The following DIAPH3 variants were observed in gnomAD, a reference collection of about 807,000 sequenced individuals.
DIAPH3 encodes the protein protein diaphanous homolog 3.
A neutral mutation model predicts 144.3 loss-of-function variants in DIAPH3; 117 were observed. The observed-to-expected ratio is 0.81, with a 90% CI of 0.70 to 0.95. The LOEUF (loss-of-function observed/expected upper bound fraction) is 0.95. DIAPH3 is among the 40% of genes least tolerant of loss of function. The probability of loss-of-function intolerance (pLI) is 0.00; values close to 1 mark genes in which losing one functional copy is unlikely to be tolerated. For missense variants in DIAPH3, 1,421 were observed against 1,412.7 expected (o/e 1.01, Z -0.09); for synonymous variants, 519 against 488.9 (o/e 1.06, Z -0.81).
At chr13:59,748,935 C>T (rs2036839876) in intron 27 of DIAPH3, among the ~76,000 whole-genome samples, 1 of 152,068 alleles carries the variant, frequency 6.6e-6, no homozygotes, top group Admixed American at 6.6e-5. Context: ...AAAGCCAGGT[C>T]AGGTGCGGTG....
chr13:60,022,984 G>A (rs2141034191), intron 5 of DIAPH3, among the ~76,000 whole-genome samples: 1 of 152,124 alleles, frequency 6.6e-6, no homozygotes, highest in African/African-American at 2.4e-5. Context: ...TAAGTTTGAG[G>A]GTTTTGGTTT....
chr13:59,802,027 T>G (rs150812202), intron 25 of DIAPH3, among the ~76,000 whole-genome samples: 1 of 151,352 alleles, frequency 6.6e-6, no homozygotes, highest in African/African-American at 2.4e-5. Context: ...TCAACACCAA[T>G]GAATAGATTT....
At chr13:59,921,162 C>T (rs1172833386) in intron 18 of DIAPH3, among the ~76,000 whole-genome samples, 4 of 143,628 alleles carry the variant, frequency 2.8e-5, no homozygotes, top group African/African-American at 2.5e-5. Context: ...AACAACCTAA[C>T]ATTGCACCTG....
intron 1 of DIAPH3, among the ~76,000 whole-genome samples, chr13:60,161,582 C>G (rs1260944484): frequency 6.6e-6 from 1 of 152,158 alleles, no homozygotes; most frequent in African/African-American, 2.4e-5. Flanking sequence ...CCTTGGCAGA[C>G]AAACTCAAAC....
intron 21 of DIAPH3, among the ~76,000 whole-genome samples, chr13:59,867,341 T>C (rs1354674520): frequency 6.6e-6 from 1 of 151,434 alleles, no homozygotes; most frequent in Non-Finnish European, 1.5e-5. Flanking sequence ...CTTATGCCAC[T>C]GCCATAACCA....
At chr13:59,901,702 A>C (rs1233079094) in intron 20 of DIAPH3, among the ~76,000 whole-genome samples, 1 of 152,256 alleles carries the variant, frequency 6.6e-6, no homozygotes, top group Non-Finnish European at 1.5e-5. Flanking sequence ...AAATGAATAA[A>C]TTATTGCTGA....
intron 11 of DIAPH3, 68 bp downstream of exon 11, chr13:59,991,999 TG>T: frequency 8.4e-7 from 1 of 1,190,426 alleles, no homozygotes; most frequent in African/African-American, 1.5e-5. Context: ...TAAATATTTG[TG>T]GCTGAGTATT....
At chr13:60,058,258 A>G (rs1355106758) in intron 4 of DIAPH3, among the ~76,000 whole-genome samples, 1 of 152,042 alleles carries the variant, frequency 6.6e-6, no homozygotes, top group Non-Finnish European at 1.5e-5. Context: ...ACACTTCTCA[A>G]AAGAAGATAT....
intron 5 of DIAPH3, among the ~76,000 whole-genome samples, chr13:60,035,627 C>G (rs2055159483): frequency 6.6e-6 from 1 of 152,052 alleles, no homozygotes; most frequent in Non-Finnish European, 1.5e-5. Flanking sequence ...GTATTTTCAA[C>G]AAATATTTAT....
chr13:59,826,242 T>C (rs1008160514), intron 24 of DIAPH3, among the ~76,000 whole-genome samples: 9 of 116,422 alleles, frequency 7.7e-5, no homozygotes, highest in African/African-American at 2.7e-4. Context: ...AGTCAAATTG[T>C]CCCTGTTTGC....
At chr13:60,032,888 C>G (rs184176356) in intron 5 of DIAPH3, among the ~76,000 whole-genome samples, 1 of 152,326 alleles carries the variant, frequency 6.6e-6, no homozygotes, top group East Asian at 1.9e-4. Context: ...TTATGCTCTT[C>G]TTCCTGTTCA....
intron 20 of DIAPH3, among the ~76,000 whole-genome samples, chr13:59,903,406 C>T (rs2046558483): frequency 6.6e-6 from 1 of 152,176 alleles, no homozygotes; most frequent in South Asian, 2.1e-4. Flanking sequence ...GATTCTTATA[C>T]CAAATCACAA....
At chr13:60,078,055 T>C (rs1377190242) in intron 4 of DIAPH3, among the ~76,000 whole-genome samples, 1 of 152,118 alleles carries the variant, frequency 6.6e-6, no homozygotes, top group African/African-American at 2.4e-5. Flanking sequence ...ACTGAGTCTT[T>C]GTATGTTGAC....
chr13:60,078,131 A>T (rs1472224204), intron 4 of DIAPH3, among the ~76,000 whole-genome samples: 1 of 152,032 alleles, frequency 6.6e-6, no homozygotes, highest in African/African-American at 2.4e-5. Flanking sequence ...CAAAAGTAAT[A>T]CTCTTTTAAG....
chr13:60,042,673 T>C lies in DIAPH3; in HGVS notation c.626+17A>G. ...TTAATGACATCTGCCCTGTTGGTGT[T>C]CAAATAGATGAATTACCTCACAGGA... is the stretch of plus-strand genomic sequence containing the variant. On this transcript the variant is annotated intron_variant, in intron 5 of 27. Coordinates refer to ENST00000400324, the MANE Select transcript of DIAPH3 (RefSeq NM_001042517.2). 1 of 1,613,316 alleles carries C rather than the reference T, an allele frequency of 6.2e-7. No individual in the cohort carries two copies. Among genetic ancestry groups the C allele is most frequent in the Non-Finnish European group, 8.5e-7 (1 of 1,179,500 alleles).
chr13:60,042,177 A>ACTTAAATT (rs1481727976), intron 5 of DIAPH3, among the ~76,000 whole-genome samples: 1 of 152,102 alleles, frequency 6.6e-6, no homozygotes, highest in Non-Finnish European at 1.5e-5. Context: ...CAGGATACAA[A>ACTTAAATT]CTTAAATTTG....
At chr13:60,047,751 C>G (rs2056146976) in intron 4 of DIAPH3, among the ~76,000 whole-genome samples, 1 of 152,140 alleles carries the variant, frequency 6.6e-6, no homozygotes, top group Non-Finnish European at 1.5e-5. Context: ...AGAGTACTAG[C>G]TATAAAACTA....
At chr13:60,071,073 A>G (rs989623717) in intron 4 of DIAPH3, among the ~76,000 whole-genome samples, 1 of 152,154 alleles carries the variant, frequency 6.6e-6, no homozygotes, top group Non-Finnish European at 1.5e-5. Flanking sequence ...CACTCACCCA[A>G]AAGTTATGGA....
intron 27 of DIAPH3, among the ~76,000 whole-genome samples, chr13:59,735,775 GTTGT>G (rs2139010856): frequency 6.6e-6 from 1 of 152,070 alleles, no homozygotes; most frequent in South Asian, 2.1e-4. Flanking sequence ...TGTTGTTATT[GTTGT>G]TTGTTTTAAC....
Sources: gnomAD v4.1 joint callset for allele counts (sites outside exome capture counted in the v4.1 genomes callset) on GRCh38, gnomAD v4.1.1 for gene constraint, MANE v1.5 for transcripts, NCBI Gene and HGNC (gene_info 2026-07-23, HGNC 2026-07-21) for gene names.